The following SPOCK3 variants were observed in gnomAD, a reference collection of about 807,000 sequenced individuals.
SPOCK3 encodes testican-3.
SPOCK3 carries 30 observed loss-of-function variants against 56.6 expected under a neutral mutation model. That is an observed-to-expected ratio of 0.53 (90% CI 0.40 to 0.72). The LOEUF (loss-of-function observed/expected upper bound fraction) is 0.72, where lower values mean the gene tolerates loss of function less well. SPOCK3 is among the 30% of genes least tolerant of loss of function. SPOCK3 has a pLI of 0.00. For missense variants in SPOCK3, 527 were observed against 530.0 expected, an observed-to-expected ratio of 0.99 and a Z score of 0.06; for synonymous variants, 196 against 183.3, an observed-to-expected ratio of 1.07 and a Z score of -0.56.
chr4:167,092,921 C>T (rs918603782), intron 2 of SPOCK3, among the ~76,000 whole-genome samples: 3 of 152,062 alleles, frequency 2.0e-5, no homozygotes, highest in Non-Finnish European at 4.4e-5. Context: ...TAAATAATAG[C>T]GAGTTTTTCA....
chr4:166,819,748 C>T (rs555107207), intron 6 of SPOCK3, among the ~76,000 whole-genome samples: 122 of 145,262 alleles, frequency 8.4e-4, no homozygotes, highest in African/African-American at 2.9e-3. Context: ...TTGGAAGACT[C>T]TTTTTTTTTT....
Position 166,840,910 on chromosome 4 carries a change from C to A in SPOCK3, c.589+48220G>T, listed in dbSNP as rs1747209506. Among the ~76,000 whole-genome samples the A allele has an allele frequency of 6.0e-5, 9 of 150,972 alleles. No individual in the cohort carries two copies. In the Admixed American group the frequency reaches 6.0e-4, roughly 10 times the overall value. Reference sequence around the variant, plus strand: ...TCTCCTACCTCAGCCTCCCGAGTAGCTGGTACTATAGGTGCCCGCCACCAC... The same window carrying A: ...TCTCCTACCTCAGCCTCCCGAGTAGATGGTACTATAGGTGCCCGCCACCAC... On this transcript the variant is annotated intron_variant, in intron 6 of 10. Transcript: ENST00000357545.
At chr4:166,947,078 A>AT (rs910265319) in intron 4 of SPOCK3, among the ~76,000 whole-genome samples, 32 of 151,290 alleles carry the variant, frequency 2.1e-4, no homozygotes, top group South Asian at 4.2e-4. Flanking sequence ...TTTAGGCACT[A>AT]TTTTTTTTTA....
intron 2 of SPOCK3, among the ~76,000 whole-genome samples, chr4:167,104,431 T>C (rs1469580629): frequency 6.6e-6 from 1 of 151,846 alleles, no homozygotes; most frequent in Admixed American, 6.6e-5. Context: ...GTTGAAAAAA[T>C]GCAATTGCCA....
Position 167,166,631 on chromosome 4 carries a change from T to C in SPOCK3, c.189+67354A>G, listed in dbSNP as rs11725424. On this transcript the variant is annotated intron_variant, in intron 2 of 10. Coordinates refer to ENST00000357545, the MANE Select transcript of SPOCK3 (RefSeq NM_001040159.2). Reference sequence around the variant, plus strand: ...TCCTGGGGACTGGTTAATAGTGTCCTGTCAGACAGCTAATATTTATGACAA... The same window carrying C: ...TCCTGGGGACTGGTTAATAGTGTCCCGTCAGACAGCTAATATTTATGACAA... Among the ~76,000 whole-genome samples the C allele has an allele frequency of 5.8e-3, 888 of 152,250 alleles. 8 individuals are homozygous for C. Among genetic ancestry groups the C allele is most frequent in the Non-Finnish European group, 8.2e-3 (557 of 68,000 alleles).
intron 4 of SPOCK3, among the ~76,000 whole-genome samples, chr4:166,995,937 C>A (rs529787459): frequency 6.6e-6 from 1 of 152,176 alleles, no homozygotes; most frequent in East Asian, 1.9e-4. Flanking sequence ...GTGATTAAAT[C>A]TTTCTGCTTT....
intron 4 of SPOCK3, among the ~76,000 whole-genome samples, chr4:166,966,688 T>C (rs1489859994): frequency 6.6e-6 from 1 of 152,160 alleles, no homozygotes; most frequent in East Asian, 1.9e-4. Context: ...GAAAGTTTAT[T>C]CACTGTGTTT....
At chr4:167,038,095 GTAGGCT>G (rs1752921922) in intron 3 of SPOCK3, among the ~76,000 whole-genome samples, 1 of 152,122 alleles carries the variant, frequency 6.6e-6, no homozygotes, top group South Asian at 2.1e-4. Flanking sequence ...CCCAGAGACA[GTAGGCT>G]ACAAAATAGT....
intron 4 of SPOCK3, among the ~76,000 whole-genome samples, chr4:166,959,469 C>T (rs746407344): frequency 4.6e-5 from 7 of 151,834 alleles, no homozygotes; most frequent in African/African-American, 9.7e-5. Context: ...AAAAATTAGC[C>T]GGGCATGGTG....
At chr4:166,865,797 A>G (rs1007564449) in intron 6 of SPOCK3, among the ~76,000 whole-genome samples, 4 of 152,190 alleles carry the variant, frequency 2.6e-5, no homozygotes, top group Non-Finnish European at 4.4e-5. Flanking sequence ...AAACAAATGG[A>G]AAAACATTCC....
intron 2 of SPOCK3, chr4:167,062,760 G>T (rs971866325): frequency 1.6e-5 from 8 of 506,384 alleles, no homozygotes; most frequent in Admixed American, 1.1e-4. Flanking sequence ...TTACAGAAAT[G>T]TCTTTCAATA....
rs1049773915 is a variant in SPOCK3 at position 166,733,724 on chromosome 4, G to A, written c.*1197C>T. ...AAATACAGCGGTTAAAGTAATTTTT[G>A]CTACAGTTAAATCTTAAATGCTACT... On this transcript the variant is annotated 3_prime_UTR_variant, in exon 11 of 11. Coordinates refer to ENST00000357545, the MANE Select transcript of SPOCK3 (RefSeq NM_001040159.2). The A allele has an allele frequency of 2.0e-5, 3 of 152,150 alleles. No homozygotes were observed. Among genetic ancestry groups the A allele is most frequent in the Admixed American group, 1.3e-4 (2 of 15,208 alleles). 9.4% of individuals were successfully genotyped at this position (152,150 alleles called of 1,614,324 possible).
intron 3 of SPOCK3, among the ~76,000 whole-genome samples, chr4:167,046,655 A>G (rs1263234559): frequency 6.6e-6 from 1 of 151,354 alleles, no homozygotes; most frequent in Admixed American, 6.6e-5. Context: ...ATGAAGTTTC[A>G]CTGTGTTGGC....
intron 4 of SPOCK3, among the ~76,000 whole-genome samples, chr4:166,967,550 T>G (rs1425217620): frequency 6.6e-6 from 1 of 152,204 alleles, no homozygotes; most frequent in Non-Finnish European, 1.5e-5. Context: ...TCTGCCACCA[T>G]GTGAAGACAT....
chr4:166,902,450 TTC>T (rs1308655499), intron 5 of SPOCK3, among the ~76,000 whole-genome samples: 1 of 152,084 alleles, frequency 6.6e-6, no homozygotes, highest in African/African-American at 2.4e-5. Flanking sequence ...TTCTAATATT[TTC>T]TCTGTGTTAT....
At chr4:166,771,528 C>A (rs1446754029) in intron 7 of SPOCK3, among the ~76,000 whole-genome samples, 1 of 151,990 alleles carries the variant, frequency 6.6e-6, no homozygotes, top group Non-Finnish European at 1.5e-5. Context: ...TTGACATCCT[C>A]AGTCCAAACC....
At chr4:167,107,098 A>T (rs1404295678) in intron 2 of SPOCK3, among the ~76,000 whole-genome samples, 2 of 151,852 alleles carry the variant, frequency 1.3e-5, no homozygotes, top group Non-Finnish European at 2.9e-5. Context: ...TGTAAATCCT[A>T]CTCAAACTAT....
At chr4:166,860,802 C>CATATATATATATATATATATATATATAT in intron 6 of SPOCK3, among the ~76,000 whole-genome samples, 1,669 of 101,350 alleles carry the variant, frequency 0.016, 70 homozygotes, top group Non-Finnish European at 0.025. Flanking sequence ...CACACAAATT[C>CATATATATATATATATATATATATATAT]ATATATATAT....
chr4:167,182,744 G>A (rs1455409748), intron 2 of SPOCK3, among the ~76,000 whole-genome samples: 1 of 152,096 alleles, frequency 6.6e-6, no homozygotes, highest in Non-Finnish European at 1.5e-5. Context: ...CACCATATTA[G>A]TTAAGCTGGT....
Sources: allele counts gnomAD v4.1 joint callset (sites outside exome capture counted in the v4.1 genomes callset), GRCh38; gene constraint gnomAD v4.1.1; transcripts MANE v1.5; gene names NCBI Gene and HGNC (gene_info 2026-07-23, HGNC 2026-07-21).